Variants in PITPNC1 observed in about 807,000 individuals in gnomAD.
PITPNC1 encodes the protein phosphatidylinositol transfer protein cytoplasmic 1.
Under a neutral mutation model 44.7 loss-of-function variants are expected in PITPNC1, and 18 were observed. The observed-to-expected ratio is 0.40, with a 90% CI of 0.28 to 0.60. The LOEUF (loss-of-function observed/expected upper bound fraction) is 0.60, where lower values mean the gene tolerates loss of function less well. Among genes scored for constraint, PITPNC1 ranks in the 20% least tolerant of loss-of-function variants. The probability of loss-of-function intolerance (pLI) is 0.39; values close to 1 mark genes in which losing one functional copy is unlikely to be tolerated. For synonymous variants in PITPNC1, 141 were observed against 149.6 expected (o/e 0.94, Z 0.42); for missense variants, 290 against 418.4 (o/e 0.69, Z 2.68).
chr17:67,452,014 T>G (rs4791294), intron 1 of PITPNC1, among the ~76,000 whole-genome samples: 12,973 of 151,608 alleles, frequency 0.086, 730 homozygotes, highest in East Asian at 0.2. Flanking sequence ...GGGTTTTTTT[T>G]TTGTTGTTGT....
intron 1 of PITPNC1, among the ~76,000 whole-genome samples, chr17:67,396,445 C>T (rs932764693): frequency 2.8e-4 from 43 of 151,916 alleles, no homozygotes; most frequent in Admixed American, 2.8e-3. Flanking sequence ...GATCTCAGCT[C>T]ACTGCAACCT....
intron 1 of PITPNC1, among the ~76,000 whole-genome samples, chr17:67,401,262 C>T (rs976335824): frequency 1.3e-5 from 2 of 152,018 alleles, no homozygotes; most frequent in Non-Finnish European, 2.9e-5. Flanking sequence ...GATAAAATCA[C>T]GGAAAGAACC....
At chr17:67,408,945 A>C (rs1380016021) in intron 1 of PITPNC1, 1 of 152,076 alleles carries the variant, frequency 6.6e-6, no homozygotes, top group Non-Finnish European at 1.5e-5. Context: ...CCTGAATGCA[A>C]GGTCACAAAG....
At chr17:67,478,058 C>T (rs2039655458) in intron 1 of PITPNC1, among the ~76,000 whole-genome samples, 1 of 152,268 alleles carries the variant, frequency 6.6e-6, no homozygotes, top group Admixed American at 6.5e-5. Context: ...CTAGCTCAGA[C>T]ACTCTGCTTG....
intron 1 of PITPNC1, among the ~76,000 whole-genome samples, chr17:67,385,946 G>T (rs1241381771): frequency 1.3e-5 from 2 of 152,174 alleles, no homozygotes; most frequent in African/African-American, 4.8e-5. Flanking sequence ...TAGATACAGG[G>T]ATCAGGGAAG....
Position 67,661,634 on chromosome 17 carries a change from G to C in PITPNC1, c.463-7874G>C, listed in dbSNP as rs548551341. The stretch of plus-strand genomic sequence containing the variant: ...CCCAGGGCAAAGAAATGTGGTCAAG[G>C]TGGAAGGCAGTGCAGTACCTGGTTC... On this transcript the variant is annotated intron_variant, in intron 6 of 8. Coordinates refer to ENST00000581322, the MANE Select transcript of PITPNC1 (RefSeq NM_012417.4). 2.0e-5 allele frequency among the ~76,000 whole-genome samples: 3 copies of C among 152,320 alleles called. No individual in the cohort carries two copies. The East Asian group carries it at 5.8e-4, about 29-fold the overall frequency.
intron 1 of PITPNC1, among the ~76,000 whole-genome samples, chr17:67,380,008 G>C (rs995250905): frequency 3.3e-5 from 5 of 151,744 alleles, no homozygotes; most frequent in African/African-American, 1.2e-4. Flanking sequence ...TATACCGTGG[G>C]GTAATTACAT....
intron 8 of PITPNC1, 28 bp from the exon 9 acceptor site, chr17:67,692,544 G>A (rs894731394): frequency 2.0e-5 from 31 of 1,554,222 alleles, no homozygotes; most frequent in Non-Finnish European, 2.3e-5. Flanking sequence ...ATAACTGCTC[G>A]TTTTTCTTTC....
chr17:67,505,459 T>A, intron 1 of PITPNC1, among the ~76,000 whole-genome samples: 1 of 152,264 alleles, frequency 6.6e-6, no homozygotes, highest in Non-Finnish European at 1.5e-5. Context: ...CCTTTGATCA[T>A]TATAAAATGT....
rs569865972 is a variant in PITPNC1 at position 67,627,943 on chromosome 17, T to TTTA, written c.367-4199_367-4198insTAT. 2.6e-5 allele frequency among the ~76,000 whole-genome samples: 4 copies of TTTA among 151,636 alleles called. 1 individual carries two copies. In the South Asian group the frequency reaches 8.4e-4, roughly 32 times the overall value. On this transcript the variant is annotated intron_variant, in intron 5 of 8. Transcript: ENST00000581322. Reference sequence around the variant, plus strand: ...TTCTTCTTTTTTGTTTTTTTTTTTTTTGAGATGGCGTCTCACTGTGTCGCC... The same window carrying TTTA: ...TTCTTCTTTTTTGTTTTTTTTTTTTTTTATGAGATGGCGTCTCACTGTGTCGCC...
chr17:67,555,403 A>G (rs2040822182), intron 4 of PITPNC1, among the ~76,000 whole-genome samples: 1 of 152,210 alleles, frequency 6.6e-6, no homozygotes, highest in Non-Finnish European at 1.5e-5. Flanking sequence ...TTTGTCCCCC[A>G]GGCTACTTTG....
intron 5 of PITPNC1, among the ~76,000 whole-genome samples, chr17:67,582,204 G>A (rs1473643559): frequency 6.6e-6 from 1 of 152,208 alleles, no homozygotes; most frequent in Non-Finnish European, 1.5e-5. Context: ...GCCAAGGAGT[G>A]TGCTGGTGTG....
At chr17:67,426,004 T>C (rs924454606) in intron 1 of PITPNC1, among the ~76,000 whole-genome samples, 16 of 152,236 alleles carry the variant, frequency 1.1e-4, no homozygotes, top group African/African-American at 3.6e-4. Context: ...TAGGCCTCCC[T>C]CCTGCAATCC....
Position 67,676,825 on chromosome 17 carries a change from T to C in PITPNC1, c.682+1283T>C, listed in dbSNP as rs571244476. Among the ~76,000 whole-genome samples, 10 of 152,234 alleles carry C rather than the reference T, an allele frequency of 6.6e-5. No individual in the cohort carries two copies. The highest frequency in any genetic ancestry group is 1.3e-4 in the Non-Finnish European group (9 of 68,018). On this transcript the variant is annotated intron_variant, in intron 8 of 8. Coordinates refer to ENST00000581322, the MANE Select transcript of PITPNC1 (RefSeq NM_012417.4). The surrounding 1 kb of genome is among the most constrained non-coding windows in gnomAD (Gnocchi z 4.0). The stretch of plus-strand genomic sequence containing the variant: ...TCTATAAGCTATGGGCTTTTCTTTT[T>C]TTTTTCTTTTTTTCTTACCTCCTTT...
At chr17:67,599,741 G>A (rs1234298660) in intron 5 of PITPNC1, among the ~76,000 whole-genome samples, 1 of 152,166 alleles carries the variant, frequency 6.6e-6, no homozygotes, top group Non-Finnish European at 1.5e-5. Flanking sequence ...TTGATGCTTG[G>A]CTGTAGAAGG....
At chr17:67,540,619 G>A (rs2040593363) in intron 2 of PITPNC1, among the ~76,000 whole-genome samples, 1 of 152,096 alleles carries the variant, frequency 6.6e-6, no homozygotes, top group South Asian at 2.1e-4. Flanking sequence ...TTATGTAAGT[G>A]AAATTCTCCA....
chr17:67,679,448 T>C (rs1289131671), intron 8 of PITPNC1, among the ~76,000 whole-genome samples: 2 of 152,208 alleles, frequency 1.3e-5, no homozygotes, highest in Non-Finnish European at 1.5e-5. Context: ...TCCTCTGCTG[T>C]GTGTTCATAC....
intron 1 of PITPNC1, among the ~76,000 whole-genome samples, chr17:67,470,534 A>G (rs1265025517): frequency 6.6e-6 from 1 of 152,060 alleles, no homozygotes; most frequent in Admixed American, 6.5e-5. Flanking sequence ...GCTCAACACA[A>G]TGTTTTTGAA....
At chr17:67,661,050 T>G (rs2144385976) in intron 6 of PITPNC1, among the ~76,000 whole-genome samples, 1 of 149,844 alleles carries the variant, frequency 6.7e-6, no homozygotes, top group African/African-American at 2.5e-5. Flanking sequence ...TTTTGTATTT[T>G]TAGTAGAGAT....
Sources: allele counts gnomAD v4.1 joint callset (sites outside exome capture counted in the v4.1 genomes callset), GRCh38; gene constraint gnomAD v4.1.1; non-coding constraint Gnocchi (gnomAD v3.1); transcripts MANE v1.5; gene names NCBI Gene and HGNC (gene_info 2026-07-23, HGNC 2026-07-21).